Variants in DLG2 observed in about 807,000 individuals in gnomAD.
The protein encoded by DLG2 is disks large homolog 2.
In DLG2, 45 loss-of-function variants were observed where a neutral mutation model predicts 132.5. The observed-to-expected ratio is 0.34, with a 90% CI of 0.27 to 0.44. DLG2 has a LOEUF of 0.44. DLG2 is among the 20% of genes least tolerant of loss of function. The probability of loss-of-function intolerance (pLI) is 1.00; values close to 1 mark genes in which losing one functional copy is unlikely to be tolerated. For synonymous variants in DLG2, 424 were observed against 419.6 expected (o/e 1.01, Z -0.13); for missense variants, 1,045 against 1,196.9 (o/e 0.87, Z 1.87).
chr11:83,899,194 T>C (rs1345167290), intron 15 of DLG2, among the ~76,000 whole-genome samples: 1 of 151,306 alleles, frequency 6.6e-6, no homozygotes, highest in African/African-American at 2.5e-5. Context: ...GGCATATCCA[T>C]TAATTCCTGA....
Position 84,421,445 on chromosome 11 carries a change from A to G in DLG2, c.519+113125T>C, listed in dbSNP as rs576628057. 6.6e-5 allele frequency among the ~76,000 whole-genome samples: 10 copies of G among 152,270 alleles called. No homozygotes were observed. In the East Asian group the frequency reaches 1.2e-3, roughly 18 times the overall value. The stretch of plus-strand genomic sequence containing the variant: ...GAAACTCTCTGGGTAGAGTGCAACA[A>G]TGTGTGTTTTATCAAGACTTCCAGG... On this transcript the variant is annotated intron_variant, in intron 7 of 27. Coordinates refer to ENST00000376104, the MANE Select transcript of DLG2 (RefSeq NM_001142699.3).
intron 6 of DLG2, among the ~76,000 whole-genome samples, chr11:84,917,669 T>C (rs2092551014): frequency 6.6e-6 from 1 of 152,210 alleles, no homozygotes; most frequent in Admixed American, 6.5e-5. Context: ...GTAGCTATTA[T>C]TGTTATTGTT....
chr11:83,949,279 C>A (rs1440585735), intron 14 of DLG2, among the ~76,000 whole-genome samples: 2 of 152,068 alleles, frequency 1.3e-5, no homozygotes, highest in Non-Finnish European at 2.9e-5. Context: ...GTTCCTTTCC[C>A]ATAGCTCTTT....
intron 6 of DLG2, among the ~76,000 whole-genome samples, chr11:84,796,558 T>C (rs2074637988): frequency 2.0e-5 from 3 of 152,196 alleles, no homozygotes. Flanking sequence ...GAACTCCCTT[T>C]AGCATTTCTT....
chr11:84,120,066 CA>C (rs1262866893), intron 9 of DLG2, among the ~76,000 whole-genome samples: 1 of 152,152 alleles, frequency 6.6e-6, no homozygotes, highest in Non-Finnish European at 1.5e-5. Flanking sequence ...TCATTTCATC[CA>C]AAGGCAAAGG....
intron 4 of DLG2, among the ~76,000 whole-genome samples, chr11:85,184,149 T>C (rs978780137): frequency 3.3e-5 from 5 of 151,914 alleles, no homozygotes; most frequent in Non-Finnish European, 7.4e-5. Flanking sequence ...ATTATAATTA[T>C]GTTTAGAGCT....
chr11:83,968,739 A>C (rs1000071887), intron 12 of DLG2, among the ~76,000 whole-genome samples: 23 of 152,324 alleles, frequency 1.5e-4, no homozygotes, highest in African/African-American at 5.3e-4. Context: ...TGTCAGAGGC[A>C]GAATTCAAAG....
chr11:85,125,765 GT>G (rs1226505590), intron 5 of DLG2, among the ~76,000 whole-genome samples: 1 of 151,566 alleles, frequency 6.6e-6, no homozygotes, highest in African/African-American at 2.4e-5. Flanking sequence ...GACTAAACGT[GT>G]TTTTATTAAA....
chr11:84,586,737 TCTA>T (rs2099530968), intron 6 of DLG2, among the ~76,000 whole-genome samples: 1 of 152,148 alleles, frequency 6.6e-6, no homozygotes, highest in African/African-American at 2.4e-5. Context: ...ATTTTATTCC[TCTA>T]CTAATTTGAC....
chr11:84,149,934 G>A (rs763474940), intron 9 of DLG2, among the ~76,000 whole-genome samples: 7 of 151,776 alleles, frequency 4.6e-5, no homozygotes, highest in Non-Finnish European at 1.5e-5. Flanking sequence ...ATTTTTGTAT[G>A]TTTAGTAGAG....
intron 16 of DLG2, among the ~76,000 whole-genome samples, chr11:83,835,991 G>C (rs1454649759): frequency 6.6e-6 from 1 of 152,162 alleles, no homozygotes. Context: ...TTATGTAGTT[G>C]TGGAGGCTGA....
At chr11:84,293,618 G>A (rs2098041179) in intron 7 of DLG2, among the ~76,000 whole-genome samples, 1 of 152,136 alleles carries the variant, frequency 6.6e-6, no homozygotes, top group South Asian at 2.1e-4. Flanking sequence ...AGGTTGCAGT[G>A]AGCCAAGATC....
At chr11:84,921,121 A>G (rs2092735152) in intron 6 of DLG2, among the ~76,000 whole-genome samples, 1 of 152,194 alleles carries the variant, frequency 6.6e-6, no homozygotes, top group South Asian at 2.1e-4. Context: ...GTCAAAATAG[A>G]TAAAAATATT....
intron 6 of DLG2, among the ~76,000 whole-genome samples, chr11:84,988,310 C>T (rs982549188): frequency 2.0e-5 from 3 of 152,106 alleles, no homozygotes; most frequent in African/African-American, 7.2e-5. Flanking sequence ...TAACACTACA[C>T]TATGGAGAAC....
At chr11:85,535,958 G>A (rs1300983820) in intron 3 of DLG2, among the ~76,000 whole-genome samples, 2 of 152,226 alleles carry the variant, frequency 1.3e-5, no homozygotes, top group Non-Finnish European at 2.9e-5. Flanking sequence ...GCTCATGCCT[G>A]TAATCCCAGC....
intron 6 of DLG2, among the ~76,000 whole-genome samples, chr11:85,056,186 T>A (rs2063438808): frequency 6.6e-6 from 1 of 152,066 alleles, no homozygotes. Context: ...ATAACCATAA[T>A]CGACATGGTT....
At chr11:84,340,260 T>C (rs2098508345) in intron 7 of DLG2, among the ~76,000 whole-genome samples, 1 of 152,218 alleles carries the variant, frequency 6.6e-6, no homozygotes, top group Non-Finnish European at 1.5e-5. Flanking sequence ...TGAGTTCTAC[T>C]GTCCACACTG....
At chr11:84,295,052 A>G (rs1365188937) in intron 7 of DLG2, among the ~76,000 whole-genome samples, 1 of 152,174 alleles carries the variant, frequency 6.6e-6, no homozygotes, top group Non-Finnish European at 1.5e-5. Flanking sequence ...GAGCTGTATA[A>G]TTACCTAAAT....
chr11:84,057,633 T>C (rs1482604918), intron 11 of DLG2, among the ~76,000 whole-genome samples: 4 of 152,162 alleles, frequency 2.6e-5, no homozygotes, highest in African/African-American at 9.7e-5. Flanking sequence ...TACCAAACAA[T>C]TGTTACAAAG....
Sources: gnomAD v4.1 joint callset for allele counts (sites outside exome capture counted in the v4.1 genomes callset) on GRCh38, gnomAD v4.1.1 for gene constraint, MANE v1.5 for transcripts, NCBI Gene and HGNC (gene_info 2026-07-23, HGNC 2026-07-21) for gene names.